Variants in MAGI2 observed in about 807,000 individuals in gnomAD.
The protein encoded by MAGI2 is membrane-associated guanylate kinase, WW and PDZ domain-containing protein 2.
In MAGI2, 35 loss-of-function variants were observed where a neutral mutation model predicts 133.3. The observed-to-expected ratio is 0.26, with a 90% CI of 0.20 to 0.35. MAGI2 has a LOEUF of 0.35. MAGI2 is among the 10% of genes least tolerant of loss of function. MAGI2 has a pLI of 1.00. For synonymous variants in MAGI2, 729 were observed against 710.6 expected (o/e 1.03, Z -0.41); for missense variants, 1,636 against 1,863.4 (o/e 0.88, Z 2.25).
chr7:78,978,646 A>G (rs998213402), intron 2 of MAGI2, among the ~76,000 whole-genome samples: 1 of 151,910 alleles, frequency 6.6e-6, no homozygotes. Flanking sequence ...TGCCAATTAA[A>G]CAAATAATTA....
rs1338889054 is a variant in MAGI2 at position 79,121,566 on chromosome 7, C to T, written c.302-114360G>A. Reference sequence around the variant, plus strand: ...CCATGGTAAATTCCAGTGGGATGACCCCCAGCTACTGTATCGCAAATGCAT... The same window carrying T: ...CCATGGTAAATTCCAGTGGGATGACTCCCAGCTACTGTATCGCAAATGCAT... On this transcript the variant is annotated intron_variant, in intron 1 of 21. Coordinates refer to ENST00000354212, the MANE Select transcript of MAGI2 (RefSeq NM_012301.4). 5.3e-5 allele frequency among the ~76,000 whole-genome samples: 8 copies of T among 152,108 alleles called. No individual in the cohort carries two copies. In the East Asian group the frequency reaches 1.2e-3, roughly 22 times the overall value.
intron 10 of MAGI2, chr7:78,254,517 T>A (rs746463940): frequency 6.6e-6 from 1 of 152,246 alleles, no homozygotes; most frequent in African/African-American, 2.4e-5. Context: ...TAACAATGCC[T>A]TGAGAAGGTC....
In MAGI2 at chr7:78,517,423, C is replaced by T. The variant is rs114103106; in HGVS notation, c.754+4007G>A. The stretch of plus-strand genomic sequence containing the variant: ...CAGTTCTGGGACATGTGTTGGAGAG[C>T]GGATGAGTTCAGGTATTACTAGATC... On this transcript the variant is annotated intron_variant, in intron 4 of 21. Transcript: ENST00000354212. Among the ~76,000 whole-genome samples the T allele has an allele frequency of 2.0e-3, 308 of 152,102 alleles. 3 individuals are homozygous for T. The highest frequency in any genetic ancestry group is 6.8e-3 in the African/African-American group (284 of 41,500).
chr7:79,099,789 A>G (rs929790439), intron 1 of MAGI2, among the ~76,000 whole-genome samples: 2 of 152,134 alleles, frequency 1.3e-5, no homozygotes, highest in Non-Finnish European at 2.9e-5. Context: ...ATCCATGTTG[A>G]TGCAAAGGAT....
At chr7:78,178,233 C>A in intron 13 of MAGI2, 131 bp from the exon 14 acceptor site, 1 of 568,586 alleles carries the variant, frequency 1.8e-6, no homozygotes, top group African/African-American at 1.9e-5. Context: ...CAATGGAAAC[C>A]ATAGAGGATA....
At chr7:78,061,501 G>T (rs1163058855) in intron 21 of MAGI2, among the ~76,000 whole-genome samples, 1 of 151,834 alleles carries the variant, frequency 6.6e-6, no homozygotes, top group Non-Finnish European at 1.5e-5. Context: ...AACCAGGAGG[G>T]TTGATGGCCC....
chr7:78,233,417 G>A (rs570741927), intron 10 of MAGI2, among the ~76,000 whole-genome samples: 1 of 152,246 alleles, frequency 6.6e-6, no homozygotes, highest in Admixed American at 6.5e-5. Flanking sequence ...AACAGAGAGA[G>A]CATTTTCAAT....
chr7:79,231,138 T>C (rs1245238514), intron 1 of MAGI2, among the ~76,000 whole-genome samples: 56 of 128,976 alleles, frequency 4.3e-4, no homozygotes, highest in African/African-American at 1.4e-3. Context: ...CTCTGTTCTG[T>C]TCCATTGATC....
chr7:78,303,015 G>A (rs1797963187), intron 9 of MAGI2, among the ~76,000 whole-genome samples: 1 of 152,164 alleles, frequency 6.6e-6, no homozygotes, highest in African/African-American at 2.4e-5. Context: ...GCAGGGAGGG[G>A]AAAGATTTAT....
chr7:78,223,808 G>C (rs1240740839), intron 10 of MAGI2, among the ~76,000 whole-genome samples: 3 of 151,828 alleles, frequency 2.0e-5, no homozygotes, highest in Non-Finnish European at 4.4e-5. Flanking sequence ...ATGCATTTTT[G>C]AATCCAAAAC....
At chr7:79,256,156 A>G (rs1833662257) in intron 1 of MAGI2, among the ~76,000 whole-genome samples, 1 of 152,188 alleles carries the variant, frequency 6.6e-6, no homozygotes, top group African/African-American at 2.4e-5. Flanking sequence ...CATTTATACT[A>G]CTCTCAGAGA....
At chr7:78,945,982 G>A (rs1286968204) in intron 2 of MAGI2, among the ~76,000 whole-genome samples, 1 of 152,106 alleles carries the variant, frequency 6.6e-6, no homozygotes, top group African/African-American at 2.4e-5. Flanking sequence ...CTGAGCAGGA[G>A]TTTATTGTTA....
At chr7:78,086,012 A>G (rs1314283935) in intron 20 of MAGI2, among the ~76,000 whole-genome samples, 1 of 152,160 alleles carries the variant, frequency 6.6e-6, no homozygotes, top group East Asian at 1.9e-4. Context: ...ATTTACAAAA[A>G]TCCTCTAAAT....
chr7:78,896,814 G>A (rs1408653154), intron 2 of MAGI2, among the ~76,000 whole-genome samples: 1 of 152,102 alleles, frequency 6.6e-6, no homozygotes, highest in East Asian at 1.9e-4. Context: ...TTACCAGTTA[G>A]AGCATAACAA....
chr7:78,854,857 T>C (rs962158053), intron 2 of MAGI2, among the ~76,000 whole-genome samples: 2 of 85,424 alleles, frequency 2.3e-5, no homozygotes, highest in African/African-American at 6.9e-5. Context: ...GATGCATTAC[T>C]CTTTTATTTT....
At chr7:78,688,905 CATA>C (rs1816662836) in intron 2 of MAGI2, among the ~76,000 whole-genome samples, 1 of 152,094 alleles carries the variant, frequency 6.6e-6, no homozygotes, top group African/African-American at 2.4e-5. Context: ...TCCCTGTTCC[CATA>C]ATATGCCTAG....
intron 4 of MAGI2, among the ~76,000 whole-genome samples, chr7:78,511,711 T>C (rs560744227): frequency 4.8e-4 from 73 of 151,210 alleles, no homozygotes; most frequent in Middle Eastern, 6.8e-3. Context: ...GATTTTTCTA[T>C]GCAAATTGAT....
chr7:78,440,504 G>A (rs1787509436), intron 6 of MAGI2, among the ~76,000 whole-genome samples: 1 of 152,126 alleles, frequency 6.6e-6, no homozygotes, highest in South Asian at 2.1e-4. Flanking sequence ...CCATTGGCCA[G>A]TTTGCTATAT....
At chr7:78,762,191 C>A (rs896544764) in intron 2 of MAGI2, among the ~76,000 whole-genome samples, 1 of 90,492 alleles carries the variant, frequency 1.1e-5, no homozygotes, top group Admixed American at 1.1e-4. Flanking sequence ...CACCTGTAAT[C>A]CCAGCACTTT....
Sources: allele counts gnomAD v4.1 joint callset (sites outside exome capture counted in the v4.1 genomes callset), GRCh38; gene constraint gnomAD v4.1.1; transcripts MANE v1.5; gene names NCBI Gene and HGNC (gene_info 2026-07-23, HGNC 2026-07-21).